Variants in IGFBP4 observed in about 807,000 individuals in gnomAD.
IGFBP4 encodes insulin like growth factor binding protein 4.
A neutral mutation model predicts 25.8 loss-of-function variants in IGFBP4; 9 were observed. That is an observed-to-expected ratio of 0.35 (90% confidence interval 0.21 to 0.61). The LOEUF is 0.61. IGFBP4 is among the 20% of genes least tolerant of loss of function. The pLI, the probability that IGFBP4 is intolerant of heterozygous loss-of-function variation, is 0.77. For synonymous variants in IGFBP4, 153 were observed against 153.9 expected, an observed-to-expected ratio of 0.99 and a Z score of 0.05; for missense variants, 315 against 365.3, an observed-to-expected ratio of 0.86 and a Z score of 1.12.
chr17:40,449,609 C>T (rs1200915590), intron 1 of IGFBP4, among the ~76,000 whole-genome samples: 1 of 152,108 alleles, frequency 6.6e-6, no homozygotes, highest in African/African-American at 2.4e-5. Flanking sequence ...ATTAGCTGGG[C>T]ATGGTAGCGG....
intron 1 of IGFBP4, among the ~76,000 whole-genome samples, chr17:40,450,495 G>A (rs1030971233): frequency 5.3e-5 from 8 of 151,958 alleles, no homozygotes; most frequent in Admixed American, 3.9e-4. Flanking sequence ...TCTGACATTT[G>A]GTTCTAATTC....
Position 40,454,006 on chromosome 17 carries a change from C to T in IGFBP4, c.586C>T (p.Leu196Phe), listed in dbSNP as rs748488618. The change falls in exon 3 of 4, where the codon CTC becomes TTC. Residue 196 changes from leucine (L) to phenylalanine (F), a missense_variant. Physicochemically the swap from Leu to Phe is conservative, Grantham distance 22. Transcript: ENST00000269593. Reference protein sequence around the residue: ...AASQSRTHEDLYIIPIPNCDR... With the variant: ...AASQSRTHEDFYIIPIPNCDR... ...TTCACAGAGCCGCACCCACGAGGACCTCTACATCATCCCCATCCCCAACTG... is the reference window on the plus strand; with the variant it reads ...TTCACAGAGCCGCACCCACGAGGACTTCTACATCATCCCCATCCCCAACTG... The T allele has an allele frequency of 3.7e-6, 6 of 1,613,414 alleles. No homozygotes were observed. Among genetic ancestry groups the T allele is most frequent in the Middle Eastern group, 1.7e-4 (1 of 6,056 alleles).
chr17:40,445,350 C>G (rs925723974), intron 1 of IGFBP4, among the ~76,000 whole-genome samples: 7 of 152,178 alleles, frequency 4.6e-5, no homozygotes, highest in Non-Finnish European at 2.9e-5. Flanking sequence ...CATCTCCGAC[C>G]CTGTTTTGCT....
At chr17:40,456,003 T>C (rs918812210) in intron 3 of IGFBP4, among the ~76,000 whole-genome samples, 3 of 152,210 alleles carry the variant, frequency 2.0e-5, no homozygotes, top group Non-Finnish European at 2.9e-5. Flanking sequence ...TTACCTGGGC[T>C]TTAACCCTCA....
At chr17:40,447,091 C>T (rs1412630645) in intron 1 of IGFBP4, among the ~76,000 whole-genome samples, 1 of 152,212 alleles carries the variant, frequency 6.6e-6, no homozygotes, top group Non-Finnish European at 1.5e-5. Flanking sequence ...TCTGCCTTTT[C>T]CTTTTGGGGC....
In IGFBP4 at chr17:40,443,470, C is replaced by T. The variant is rs7207151; in HGVS notation, c.-266C>T. 0.091 allele frequency: 14,361 copies of T among 157,300 alleles called. 2,223 individuals are homozygous for T. The highest frequency in any genetic ancestry group is 0.32 in the African/African-American group (13,396 of 41,540). 9.7% of individuals were successfully genotyped at this position (157,300 alleles called of 1,614,324 possible). Reference sequence around the variant, plus strand: ...CGGGCAGCCGCTCAGCCCCCTGCCCCTCGCCGCCCGCCGCCTGCCTGGGCC... The same window carrying T: ...CGGGCAGCCGCTCAGCCCCCTGCCCTTCGCCGCCCGCCGCCTGCCTGGGCC... On this transcript the variant is annotated 5_prime_UTR_variant, in exon 1 of 4. Coordinates refer to ENST00000269593, the MANE Select transcript of IGFBP4 (RefSeq NM_001552.3).
intron 1 of IGFBP4, among the ~76,000 whole-genome samples, chr17:40,448,299 C>T (rs2035661992): frequency 6.6e-6 from 1 of 152,280 alleles, no homozygotes; most frequent in Non-Finnish European, 1.5e-5. Context: ...GCTTTCGCCA[C>T]AAACTTTGCA....
intron 1 of IGFBP4, among the ~76,000 whole-genome samples, chr17:40,446,719 C>A (rs2035648305): frequency 6.6e-6 from 1 of 152,200 alleles, no homozygotes; most frequent in Non-Finnish European, 1.5e-5. Context: ...TAATGCCCCT[C>A]CCCCTTTCCT....
In IGFBP4 at chr17:40,456,517, TC is replaced by T. The variant is rs2035715163; in HGVS notation, c.713del (p.Pro238ArgfsTer44). 4 of 1,613,522 alleles carry T rather than the reference TC, an allele frequency of 2.5e-6. No homozygotes were observed. Among genetic ancestry groups the T allele is most frequent in the Non-Finnish European group, 2.5e-6 (3 of 1,179,880 alleles). ...CVDRKTGVKL[P>X]GGLEPKGELD... is the part of the protein sequence containing the mutation. ...TGGACCGGAAGACGGGGGTGAAGCT[TC>T]CGGGGGGCCTGGAGCCAAAGGGGGA... is the stretch of plus-strand genomic sequence containing the variant. On this transcript the variant is annotated frameshift_variant, in exon 4 of 4. Transcript: ENST00000269593. LOFTEE classifies it high-confidence loss of function.
At chr17:40,449,154 C>G (rs1393396643) in intron 1 of IGFBP4, among the ~76,000 whole-genome samples, 1 of 152,112 alleles carries the variant, frequency 6.6e-6, no homozygotes, top group East Asian at 1.9e-4. Context: ...GTAGGTAACC[C>G]TCTGATGTGA....
chr17:40,444,935 AG>A (rs1207290320), intron 1 of IGFBP4, among the ~76,000 whole-genome samples: 1 of 19,442 alleles, frequency 5.1e-5, no homozygotes, highest in Non-Finnish European at 1.1e-4. Context: ...ACAGAGACAG[AG>A]AGAGAGAGAG....
intron 1 of IGFBP4, among the ~76,000 whole-genome samples, chr17:40,452,030 GT>G (rs1017815601): frequency 6.6e-6 from 1 of 152,088 alleles, no homozygotes; most frequent in Non-Finnish European, 1.5e-5. Flanking sequence ...TGAAGATGGG[GT>G]CTTGCCATGT....
chr17:40,447,507 A>C (rs1374991659), intron 1 of IGFBP4, among the ~76,000 whole-genome samples: 1 of 152,174 alleles, frequency 6.6e-6, no homozygotes, highest in East Asian at 1.9e-4. Flanking sequence ...CCCCTACTTC[A>C]GTACTGGGAA....
chr17:40,454,154 G>A, intron 3 of IGFBP4, 92 bp downstream of exon 3: 1 of 1,490,740 alleles, frequency 6.7e-7, no homozygotes, highest in Non-Finnish European at 8.9e-7. Flanking sequence ...GAGATCTCAG[G>A]AAGGGGAAAC....
At chr17:40,444,932 CAGAGAGAGAGAGAGAGAGAGAG>C (rs10603634) in intron 1 of IGFBP4, among the ~76,000 whole-genome samples, 7 of 75,408 alleles carry the variant, frequency 9.3e-5, no homozygotes, top group South Asian at 5.0e-4. Flanking sequence ...CACACAGAGA[CAGAGAGAGAGAGAGAGAGAGAG>C]AGAGAGAGAG....
chr17:40,444,185 A>C, intron 1 of IGFBP4, 101 bp downstream of exon 1: 1 of 906,126 alleles, frequency 1.1e-6, no homozygotes, highest in Non-Finnish European at 1.7e-6. Flanking sequence ...AAAATCCCCT[A>C]TGAGTTGAAG....
intron 1 of IGFBP4, among the ~76,000 whole-genome samples, chr17:40,450,264 T>A (rs2035675027): frequency 6.6e-6 from 1 of 152,118 alleles, no homozygotes; most frequent in Non-Finnish European, 1.5e-5. Flanking sequence ...CCTTCCAAAG[T>A]GTTGGGATTA....
intron 3 of IGFBP4, among the ~76,000 whole-genome samples, chr17:40,454,328 A>G (rs558912410): frequency 6.6e-6 from 1 of 152,316 alleles, no homozygotes; most frequent in South Asian, 2.1e-4. Flanking sequence ...CTCCCTATCC[A>G]GGGCAATTTC....
intron 1 of IGFBP4, among the ~76,000 whole-genome samples, chr17:40,451,143 G>A (rs1035625277): frequency 6.6e-6 from 1 of 152,070 alleles, no homozygotes; most frequent in African/African-American, 2.4e-5. Context: ...TTGGCCAGGG[G>A]GTCTTGCTAT....
Sources: allele counts gnomAD v4.1 joint callset (sites outside exome capture counted in the v4.1 genomes callset), GRCh38; gene constraint gnomAD v4.1.1; transcripts MANE v1.5; gene names NCBI Gene and HGNC (gene_info 2026-07-23, HGNC 2026-07-21).